Variants in CDH18 observed in about 807,000 individuals in gnomAD.
CDH18 encodes the protein cadherin 18.
Under a neutral mutation model 67.9 loss-of-function variants are expected in CDH18, and 31 were observed. The ratio of observed to expected loss-of-function variants is 0.46; its 90% CI spans 0.34 to 0.62. The LOEUF (loss-of-function observed/expected upper bound fraction) is 0.62. CDH18 is among the 20% of genes least tolerant of loss of function. The pLI is 0.01. For synonymous variants in CDH18, 362 were observed against 347.2 expected, an observed-to-expected ratio of 1.04 and a Z score of -0.48; for missense variants, 890 against 975.5, an observed-to-expected ratio of 0.91 and a Z score of 1.17.
intron 2 of CDH18, among the ~76,000 whole-genome samples, chr5:19,845,296 T>G (rs1299740475): frequency 6.6e-6 from 1 of 152,178 alleles, no homozygotes; most frequent in Non-Finnish European, 1.5e-5. Context: ...AATGTGCAGT[T>G]TAATTTCTAC....
rs143882134 is a variant in CDH18 at position 19,967,817 on chromosome 5, T to C, written c.-257+13243A>G. ...GCCCTCTCTCACCACTCCTATTCAA[T>C]ATAGTGTTGGAAGTTCTGGCCAGGG... On this transcript the variant is annotated intron_variant, in intron 2 of 12. Transcript: ENST00000382275. Among the ~76,000 whole-genome samples the C allele has an allele frequency of 3.9e-3, 595 of 152,102 alleles. 6 individuals carry two copies. The highest frequency in any genetic ancestry group is 0.014 in the African/African-American group (568 of 41,482).
At chr5:20,204,952 C>T (rs894087478) in intron 2 of CDH18, among the ~76,000 whole-genome samples, 1 of 151,062 alleles carries the variant, frequency 6.6e-6, no homozygotes, top group African/African-American at 2.4e-5. Context: ...AAAATTTTAC[C>T]AGAAAAAAAC....
chr5:19,912,862 C>G (rs1791304628), intron 2 of CDH18, among the ~76,000 whole-genome samples: 1 of 152,036 alleles, frequency 6.6e-6, no homozygotes, highest in South Asian at 2.1e-4. Flanking sequence ...GAGGACAACT[C>G]AAAGCAAAGA....
At chr5:20,169,773 T>G (rs1254110138) in intron 2 of CDH18, among the ~76,000 whole-genome samples, 4 of 152,104 alleles carry the variant, frequency 2.6e-5, no homozygotes, top group Admixed American at 6.6e-5. Context: ...TTTATTAACT[T>G]TTCAATTGGA....
intron 2 of CDH18, among the ~76,000 whole-genome samples, chr5:20,076,599 T>C (rs893981180): frequency 4.6e-5 from 7 of 151,908 alleles, no homozygotes; most frequent in Admixed American, 2.0e-4. Flanking sequence ...ATATTGTATA[T>C]TGTGATTAAA....
intron 1 of CDH18, among the ~76,000 whole-genome samples, chr5:20,299,403 T>TACACACACACACACACAC (rs56003449): frequency 7.2e-6 from 1 of 138,692 alleles, no homozygotes; most frequent in Non-Finnish European, 1.6e-5. Flanking sequence ...CAACATTAGC[T>TACACACACACACACACAC]ACACACACAC....
chr5:20,065,275 T>A (rs1309310093), intron 2 of CDH18, among the ~76,000 whole-genome samples: 1 of 152,018 alleles, frequency 6.6e-6, no homozygotes, highest in East Asian at 1.9e-4. Context: ...ATTTGTGACG[T>A]CTTTCATTTA....
At chr5:20,534,362 G>A (rs1756589243) in intron 1 of CDH18, among the ~76,000 whole-genome samples, 1 of 151,892 alleles carries the variant, frequency 6.6e-6, no homozygotes, top group African/African-American at 2.4e-5. Context: ...TGAATGTCTT[G>A]ATATTGCACA....
At chr5:20,166,964 T>C (rs929380637) in intron 2 of CDH18, among the ~76,000 whole-genome samples, 3 of 152,148 alleles carry the variant, frequency 2.0e-5, no homozygotes, top group Non-Finnish European at 2.9e-5. Context: ...TAATTACCTT[T>C]AAAAATAGTG....
intron 4 of CDH18, among the ~76,000 whole-genome samples, chr5:19,735,877 A>G (rs1768252763): frequency 6.6e-6 from 1 of 152,216 alleles, no homozygotes; most frequent in Non-Finnish European, 1.5e-5. Context: ...CATACACTAA[A>G]CAAAACACTG....
intron 2 of CDH18, among the ~76,000 whole-genome samples, chr5:19,926,611 C>T (rs1348359261): frequency 1.3e-5 from 2 of 152,024 alleles, no homozygotes; most frequent in Non-Finnish European, 2.9e-5. Flanking sequence ...ATCTTTCTAA[C>T]TAAATAATGT....
chr5:20,351,728 A>C (rs1741200939), intron 1 of CDH18, among the ~76,000 whole-genome samples: 1 of 152,092 alleles, frequency 6.6e-6, no homozygotes, highest in South Asian at 2.1e-4. Flanking sequence ...TGTGGATGGC[A>C]ATCTATTTAT....
At chr5:20,074,001 G>T (rs1743708190) in intron 2 of CDH18, among the ~76,000 whole-genome samples, 1 of 151,882 alleles carries the variant, frequency 6.6e-6, no homozygotes, top group Non-Finnish European at 1.5e-5. Context: ...ATTGATGTTG[G>T]GCTGAATTTT....
intron 2 of CDH18, among the ~76,000 whole-genome samples, chr5:19,965,338 G>T (rs1161639381): frequency 1.3e-5 from 2 of 151,976 alleles, no homozygotes; most frequent in East Asian, 3.9e-4. Flanking sequence ...GAATATAATG[G>T]GACCTACATA....
At chr5:20,298,915 C>T (rs768854434) in intron 1 of CDH18, among the ~76,000 whole-genome samples, 2 of 151,868 alleles carry the variant, frequency 1.3e-5, no homozygotes, top group African/African-American at 4.8e-5. Context: ...GAGAACAATG[C>T]GCACAAAGAC....
chr5:19,832,373 T>C (rs575318163), intron 3 of CDH18, among the ~76,000 whole-genome samples: 50 of 152,238 alleles, frequency 3.3e-4, no homozygotes, highest in African/African-American at 1.1e-3. Context: ...ACCTAATTCA[T>C]CTATTAAAAA....
At chr5:19,971,013 G>C (rs1352549438) in intron 2 of CDH18, among the ~76,000 whole-genome samples, 1 of 151,752 alleles carries the variant, frequency 6.6e-6, no homozygotes, top group African/African-American at 2.4e-5. Flanking sequence ...AGCTGCTGGA[G>C]CATAAGTCTT....
intron 2 of CDH18, among the ~76,000 whole-genome samples, chr5:19,930,888 A>G (rs1359982316): frequency 2.6e-5 from 4 of 152,070 alleles, no homozygotes; most frequent in African/African-American, 9.7e-5. Flanking sequence ...CTGCAGCTTA[A>G]TAACAGAAAC....
rs1056734786 is a variant in CDH18, at chr5:19,543,994, T to C, written c.1265A>G (p.Asn422Ser). 6 of 1,564,384 alleles carry C rather than the reference T, an allele frequency of 3.8e-6. No individual in the cohort carries two copies. Among genetic ancestry groups the C allele is most frequent in the South Asian group, 1.2e-5 (1 of 84,024 alleles). The change falls in exon 9 of 13, where the codon AAC becomes AGC. Residue 422 changes from asparagine (N) to serine (S), a missense_variant. Physicochemically the swap from Asn to Ser is conservative, Grantham distance 46. Transcript: ENST00000382275. ...STNSLVRYFINYNVEDDRFFN... is the reference protein window; with the variant it reads ...STNSLVRYFISYNVEDDRFFN... ...AAATCTGTCGTCTTCAACATTGTAG[T>C]TGATGAAGTATCTAGAGAAAAAAAG...
Sources: allele counts gnomAD v4.1 joint callset (sites outside exome capture counted in the v4.1 genomes callset), GRCh38; gene constraint gnomAD v4.1.1; transcripts MANE v1.5; gene names NCBI Gene and HGNC (gene_info 2026-07-23, HGNC 2026-07-21).